The following ASTN2 variants were observed in gnomAD, a reference collection of about 807,000 sequenced individuals.
ASTN2 encodes astrotactin-2.
Under a neutral mutation model 139.8 loss-of-function variants are expected in ASTN2, and 54 were observed. The ratio of observed to expected loss-of-function variants is 0.39; its 90% CI spans 0.31 to 0.48. The LOEUF (loss-of-function observed/expected upper bound fraction) is 0.48. ASTN2 is among the 20% of genes least tolerant of loss of function. The probability of loss-of-function intolerance (pLI) is 0.95; values close to 1 mark genes in which losing one functional copy is unlikely to be tolerated. For synonymous variants in ASTN2, 756 were observed against 719.5 expected (o/e 1.05, Z -0.81); for missense variants, 1,565 against 1,725.1 (o/e 0.91, Z 1.64).
At chr9:116,738,116 C>T (rs1389919915) in intron 13 of ASTN2, among the ~76,000 whole-genome samples, 7 of 149,094 alleles carry the variant, frequency 4.7e-5, no homozygotes, top group Non-Finnish European at 8.9e-5. Flanking sequence ...GGCGTGAACC[C>T]GGGAGGCGGA....
At chr9:116,628,582 G>C (rs1856576296) in intron 17 of ASTN2, among the ~76,000 whole-genome samples, 1 of 152,132 alleles carries the variant, frequency 6.6e-6, no homozygotes, top group Non-Finnish European at 1.5e-5. Context: ...GAGAAGTGAA[G>C]GATGAATAAG....
intron 20 of ASTN2, among the ~76,000 whole-genome samples, chr9:116,468,040 A>T (rs1466348601): frequency 6.6e-6 from 1 of 152,192 alleles, no homozygotes; most frequent in Non-Finnish European, 1.5e-5. Flanking sequence ...TTCAGAAAGG[A>T]CTAGCTTCTC....
chr9:116,496,687 G>A (rs1477778257), intron 19 of ASTN2, among the ~76,000 whole-genome samples: 1 of 152,156 alleles, frequency 6.6e-6, no homozygotes, highest in Non-Finnish European at 1.5e-5. Flanking sequence ...ACATATCTGA[G>A]ACTGGGTAAT....
At chr9:117,244,590 G>GA (rs1371532236) in intron 2 of ASTN2, among the ~76,000 whole-genome samples, 3 of 29,232 alleles carry the variant, frequency 1.0e-4, no homozygotes, top group Admixed American at 8.8e-4. Context: ...AGGGAGGGAG[G>GA]GAGGGAGGGA....
chr9:117,275,174 A>C (rs1554714641), intron 2 of ASTN2, among the ~76,000 whole-genome samples: 1 of 152,208 alleles, frequency 6.6e-6, no homozygotes, highest in East Asian at 1.9e-4. Context: ...TTTAGCATCC[A>C]TTTTTTCTAT....
intron 22 of ASTN2, among the ~76,000 whole-genome samples, chr9:116,431,710 C>CT (rs2118829451): frequency 5.1e-5 from 1 of 19,658 alleles, no homozygotes; most frequent in African/African-American, 5.8e-5. Flanking sequence ...GTGCCAGAAA[C>CT]TGTACCTATG....
At chr9:116,552,841 A>G (rs4836751) in intron 19 of ASTN2, among the ~76,000 whole-genome samples, 135,802 of 152,334 alleles carry the variant, frequency 0.89, 60,634 homozygotes, top group Admixed American at 0.93. Context: ...CAGTCAGTGG[A>G]CGTGCACAAC....
intron 11 of ASTN2, among the ~76,000 whole-genome samples, chr9:116,826,910 C>A (rs2416576): frequency 0.79 from 120,714 of 152,094 alleles, 48,102 homozygotes; most frequent in East Asian, 0.92. Flanking sequence ...AGTATCTCAA[C>A]ATGTGTATTA....
intron 15 of ASTN2, among the ~76,000 whole-genome samples, chr9:116,728,422 A>G (rs940955484): frequency 6.6e-6 from 1 of 152,100 alleles, no homozygotes; most frequent in Non-Finnish European, 1.5e-5. Context: ...GGTATGGGCA[A>G]AGTCACTGTG....
chr9:116,839,702 G>T lies in ASTN2; in HGVS notation c.2041-18919C>A. On this transcript the variant is annotated intron_variant, in intron 11 of 22. Coordinates refer to ENST00000313400, the MANE Select transcript of ASTN2 (RefSeq NM_001365068.1). ...TATTTTTTTCCTGAGAGGGAGTCTC[G>T]CTCTGTCGCCCAAGCTGGACTGCAG... 2.6e-5 allele frequency among the ~76,000 whole-genome samples: 4 copies of T among 151,536 alleles called. No individual in the cohort carries two copies. The East Asian group carries it at 7.8e-4, about 30-fold the overall frequency.
intron 19 of ASTN2, among the ~76,000 whole-genome samples, chr9:116,557,085 G>A (rs1428776215): frequency 1.2e-4 from 18 of 151,694 alleles, no homozygotes; most frequent in Admixed American, 8.5e-4. Context: ...TTAGCCGGGC[G>A]TGGTGGCGGG....
chr9:117,107,485 CATT>C (rs1479951588), intron 4 of ASTN2, among the ~76,000 whole-genome samples: 1 of 152,160 alleles, frequency 6.6e-6, no homozygotes, highest in Non-Finnish European at 1.5e-5. Context: ...GGTATTACAT[CATT>C]GTTTTCAAAT....
intron 4 of ASTN2, among the ~76,000 whole-genome samples, chr9:117,129,860 T>C (rs1444642317): frequency 1.3e-5 from 2 of 152,204 alleles, no homozygotes; most frequent in African/African-American, 4.8e-5. Flanking sequence ...AAAATTAATT[T>C]TGCCATATGA....
intron 5 of ASTN2, among the ~76,000 whole-genome samples, chr9:117,048,191 C>T (rs149423756): frequency 2.8e-4 from 42 of 152,242 alleles, no homozygotes; most frequent in African/African-American, 7.2e-4. Flanking sequence ...AGCTGCTATC[C>T]GACTTTAGCT....
chr9:116,841,864 A>G (rs1167406813), intron 11 of ASTN2, among the ~76,000 whole-genome samples: 1 of 152,176 alleles, frequency 6.6e-6, no homozygotes, highest in African/African-American at 2.4e-5. Context: ...TTCAGGGAGA[A>G]ATGTAAGGGA....
chr9:116,508,145 C>A (rs1850192919), intron 19 of ASTN2, among the ~76,000 whole-genome samples: 1 of 152,214 alleles, frequency 6.6e-6, no homozygotes, highest in African/African-American at 2.4e-5. Flanking sequence ...CCCGCCTTGG[C>A]CTCCCAAAGT....
At chr9:117,180,644 TGGACAG>T in intron 3 of ASTN2, 3 of 1,359,960 alleles carry the variant, frequency 2.2e-6, no homozygotes, top group Non-Finnish European at 3.0e-6. Flanking sequence ...TTTTTTTTTT[TGGACAG>T]GAAGTAGAAT....
At chr9:117,151,985 A>T (rs1262737812) in intron 3 of ASTN2, among the ~76,000 whole-genome samples, 2 of 151,960 alleles carry the variant, frequency 1.3e-5, no homozygotes, top group African/African-American at 4.8e-5. Context: ...ATCTGGACAG[A>T]CTTGGGCTTG....
At chr9:116,798,201 G>A (rs1830751698) in intron 13 of ASTN2, among the ~76,000 whole-genome samples, 1 of 152,222 alleles carries the variant, frequency 6.6e-6, no homozygotes, top group Non-Finnish European at 1.5e-5. Flanking sequence ...AGCCCAGGAG[G>A]CATAGGTTGC....
Sources: gnomAD v4.1 joint callset for allele counts (sites outside exome capture counted in the v4.1 genomes callset) on GRCh38, gnomAD v4.1.1 for gene constraint, MANE v1.5 for transcripts, NCBI Gene and HGNC (gene_info 2026-07-23, HGNC 2026-07-21) for gene names.